ITGA1: variants seen among roughly 807,000 people sequenced by gnomAD.
The protein encoded by ITGA1 is integrin subunit alpha 1.
A neutral mutation model predicts 145.9 loss-of-function variants in ITGA1; 85 were observed. The observed-to-expected ratio is 0.58, with a 90% CI of 0.49 to 0.70. The LOEUF (loss-of-function observed/expected upper bound fraction) is 0.70, where lower values mean the gene tolerates loss of function less well. Ranked by LOEUF, ITGA1 falls within the 30% of genes least tolerant of loss-of-function variation. ITGA1 has a pLI of 0.00. For synonymous variants in ITGA1, 520 were observed against 495.3 expected, an observed-to-expected ratio of 1.05 and a Z score of -0.66; for missense variants, 1,351 against 1,418.7, an observed-to-expected ratio of 0.95 and a Z score of 0.77.
At chr5:52,893,651 C>T (rs1455942835) in intron 8 of ITGA1, 24 bp from the exon 9 acceptor site, 1 of 1,593,328 alleles carries the variant, frequency 6.3e-7, no homozygotes, top group Non-Finnish European at 8.6e-7. Flanking sequence ...AAAATATATT[C>T]TTGCTGTTTC....
rs775293472 is a variant in ITGA1 at position 52,788,350 on chromosome 5, G to C, written c.-4G>C. 55 of 1,506,510 alleles carry C rather than the reference G, an allele frequency of 3.7e-5. No homozygotes were observed. The highest frequency in any genetic ancestry group is 1.4e-4 in the East Asian group (5 of 36,524). 93.3% of individuals were successfully genotyped at this position (1,506,510 alleles called of 1,614,324 possible). A position where few individuals can be genotyped will look rare whatever the true frequency, so the allele number is the denominator to read the frequency against. The stretch of plus-strand genomic sequence containing the variant: ...GGCCCCCTGGCGCTGAGGCTGCTCC[G>C]GCCATGGCCCCTCGGCCCCGCGCCC... On this transcript the variant is annotated 5_prime_UTR_variant, in exon 1 of 29. Transcript: ENST00000282588.
At chr5:52,937,706 T>C (rs1346221070) in intron 24 of ITGA1, among the ~76,000 whole-genome samples, 192 bp downstream of exon 24, 1 of 152,238 alleles carries the variant, frequency 6.6e-6, no homozygotes, top group Non-Finnish European at 1.5e-5. Flanking sequence ...TATCACAAAT[T>C]GAGTGACTTA....
chr5:52,864,695 A>G, intron 3 of ITGA1, 68 bp from the exon 4 acceptor site: 1 of 920,352 alleles, frequency 1.1e-6, no homozygotes, highest in Non-Finnish European at 1.7e-6. Flanking sequence ...GAATGTCTTA[A>G]TGAGAGATGC....
chr5:52,922,038 C>T (rs1462671067), intron 17 of ITGA1, among the ~76,000 whole-genome samples: 10 of 152,162 alleles, frequency 6.6e-5, no homozygotes, highest in African/African-American at 1.4e-4. Flanking sequence ...TGGTGGCTCA[C>T]GCCTGTAATC....
chr5:52,801,318 T>G, intron 1 of ITGA1: 1 of 1,194,474 alleles, frequency 8.4e-7, no homozygotes, highest in Non-Finnish European at 1.2e-6. Flanking sequence ...ATATGAAGCC[T>G]TACTAGCGCT....
chr5:52,814,764 C>CA (rs1240852595), intron 1 of ITGA1, among the ~76,000 whole-genome samples: 1 of 151,848 alleles, frequency 6.6e-6, no homozygotes, highest in Admixed American at 6.6e-5. Context: ...AGAATCAGTC[C>CA]AATTGGTAGA....
rs1748159150 is a variant in ITGA1 at position 52,788,166 on chromosome 5, G to A, written c.-188G>A. ...GTCTGGGATGTGAAAAGCGTGGAGC[G>A]CATTTAGAGGAATTCGACGAAAACA... On this transcript the variant is annotated 5_prime_UTR_variant, in exon 1 of 29. Coordinates refer to ENST00000282588, the MANE Select transcript of ITGA1 (RefSeq NM_181501.2). The A allele has an allele frequency of 4.4e-6, 2 of 456,978 alleles. No individual in the cohort carries two copies. Among genetic ancestry groups the A allele is most frequent in the African/African-American group, 2.1e-5 (1 of 48,656 alleles). 28.3% of individuals were successfully genotyped at this position (456,978 alleles called of 1,614,324 possible).
chr5:52,812,480 G>T (rs2111687601), intron 1 of ITGA1, among the ~76,000 whole-genome samples: 1 of 152,274 alleles, frequency 6.6e-6, no homozygotes, highest in South Asian at 2.1e-4. Context: ...ATTACAATTG[G>T]CTAGAATCAC....
rs544725911 is a variant in ITGA1 at position 52,833,750 on chromosome 5, T to C, written c.62-15615T>C. Among the ~76,000 whole-genome samples, 10 of 152,310 alleles carry C rather than the reference T, an allele frequency of 6.6e-5. No homozygotes were observed. In the South Asian group the frequency reaches 2.1e-3, roughly 32 times the overall value. On this transcript the variant is annotated intron_variant, in intron 1 of 28. Transcript: ENST00000282588. ...TTTTTTAAGCAAATTGAAGTTGTTCTGATAAATGTTTATCTAAATTAAAAT... is the reference window on the plus strand; with the variant it reads ...TTTTTTAAGCAAATTGAAGTTGTTCCGATAAATGTTTATCTAAATTAAAAT...
intron 2 of ITGA1, among the ~76,000 whole-genome samples, chr5:52,855,744 T>C (rs1749502690): frequency 6.6e-6 from 1 of 152,184 alleles, no homozygotes; most frequent in Non-Finnish European, 1.5e-5. Flanking sequence ...AGGATCTTGT[T>C]ATTTTGATGC....
At chr5:52,810,400 C>T (rs749755178) in intron 1 of ITGA1, among the ~76,000 whole-genome samples, 1 of 152,216 alleles carries the variant, frequency 6.6e-6, no homozygotes, top group Non-Finnish European at 1.5e-5. Context: ...CTCAGGAAAA[C>T]ACCTTTAACA....
At chr5:52,914,945 A>G (rs1750620167) in intron 14 of ITGA1, among the ~76,000 whole-genome samples, 1 of 152,160 alleles carries the variant, frequency 6.6e-6, no homozygotes, top group Non-Finnish European at 1.5e-5. Context: ...TTGTGCCCTC[A>G]ACTTTTAGGA....
intron 1 of ITGA1, among the ~76,000 whole-genome samples, chr5:52,840,406 T>A (rs1749235609): frequency 6.6e-6 from 1 of 152,226 alleles, no homozygotes; most frequent in Non-Finnish European, 1.5e-5. Flanking sequence ...AACAGAGTTC[T>A]GTGCTCATGT....
Position 52,858,492 on chromosome 5 carries a change from CT to C in ITGA1, c.183-2951del, listed in dbSNP as rs1424822620. On this transcript the variant is annotated intron_variant, in intron 2 of 28. Transcript: ENST00000282588. ...CAAACTAAAAATTGTGTTTTATTCA[CT>C]TTTGTATCATTTTATATCCTCAGGA... Among the ~76,000 whole-genome samples, 74 of 152,162 alleles carry C rather than the reference CT, an allele frequency of 4.9e-4. 2 individuals are homozygous for C. The highest frequency in any genetic ancestry group is 4.8e-3 in the Admixed American group (74 of 15,260).
intron 1 of ITGA1, among the ~76,000 whole-genome samples, chr5:52,830,692 G>A (rs1172231980): frequency 6.6e-6 from 1 of 152,116 alleles, no homozygotes. Flanking sequence ...ATCATAATGT[G>A]GAATAGTAGT....
intron 11 of ITGA1, among the ~76,000 whole-genome samples, chr5:52,900,908 AT>A (rs144442781): frequency 0.02 from 3,007 of 152,144 alleles, 74 homozygotes; most frequent in African/African-American, 0.058. Context: ...GTTATTATGT[AT>A]TTTTTTATTG....
chr5:52,857,786 A>T (rs953379161), intron 2 of ITGA1, among the ~76,000 whole-genome samples: 7 of 152,168 alleles, frequency 4.6e-5, no homozygotes, highest in African/African-American at 1.7e-4. Flanking sequence ...TGCTCATATC[A>T]TGCTCATACA....
intron 8 of ITGA1, among the ~76,000 whole-genome samples, chr5:52,890,748 C>T (rs1750134255): frequency 6.6e-6 from 1 of 152,180 alleles, no homozygotes; most frequent in South Asian, 2.1e-4. Context: ...AAATCTTCTC[C>T]TGTAGCTATT....
At chr5:52,791,500 C>T (rs1408913435) in intron 1 of ITGA1, among the ~76,000 whole-genome samples, 1 of 152,148 alleles carries the variant, frequency 6.6e-6, no homozygotes, top group Non-Finnish European at 1.5e-5. Context: ...CCTTTCCTCC[C>T]ACCCTCTGAT....
Sources: gnomAD v4.1 joint callset for allele counts (sites outside exome capture counted in the v4.1 genomes callset) on GRCh38, gnomAD v4.1.1 for gene constraint, MANE v1.5 for transcripts, NCBI Gene and HGNC (gene_info 2026-07-23, HGNC 2026-07-21) for gene names.